The following ARHGEF10L variants were observed in gnomAD, a reference collection of about 807,000 sequenced individuals.
ARHGEF10L encodes Rho guanine nucleotide exchange factor 10 like.
A neutral mutation model predicts 141.2 loss-of-function variants in ARHGEF10L; 69 were observed. The ratio of observed to expected loss-of-function variants is 0.49; its 90% CI spans 0.40 to 0.60. ARHGEF10L has a LOEUF of 0.60. ARHGEF10L is among the 20% of genes least tolerant of loss of function. The pLI, the probability that ARHGEF10L is intolerant of heterozygous loss-of-function variation, is 0.00. For missense variants in ARHGEF10L, 1,482 were observed against 1,734.3 expected (o/e 0.85, Z 2.58); for synonymous variants, 711 against 718.5 (o/e 0.99, Z 0.17).
chr1:17,639,004 GC>G lies in ARHGEF10L; in HGVS notation c.2171+317del, dbSNP rs1373688976. Among the ~76,000 whole-genome samples, 5 of 152,174 alleles carry G rather than the reference GC, an allele frequency of 3.3e-5. No individual in the cohort carries two copies. Among genetic ancestry groups the G allele is most frequent in the Non-Finnish European group, 5.9e-5 (4 of 68,030 alleles). ...CGCTGTGTCCTTTTCAGTCACTTCA[GC>G]CTATCTAGGCCCCCAGGCCAGGCCC... On this transcript the variant is annotated intron_variant, in intron 20 of 28. Coordinates refer to ENST00000361221, the MANE Select transcript of ARHGEF10L (RefSeq NM_018125.4). This position sits in a 1 kb window ranked among gnomAD's most constrained non-coding sequence, Gnocchi z 4.3.
chr1:17,590,000 C>T (rs531716673), intron 4 of ARHGEF10L, among the ~76,000 whole-genome samples: 2 of 152,072 alleles, frequency 1.3e-5, no homozygotes, highest in East Asian at 3.9e-4. Context: ...TGAGGAAGCC[C>T]CTGAGCAGAG....
In ARHGEF10L at chr1:17,673,179, T is replaced by C. The variant is rs2063430012; in HGVS notation, c.3009+8584T>C. Reference sequence around the variant, plus strand: ...ATGAACAGACATCGTGGAGAGGACATATGGGACGGGAGGTGAGGAAGGGGA... The same window carrying C: ...ATGAACAGACATCGTGGAGAGGACACATGGGACGGGAGGTGAGGAAGGGGA... On this transcript the variant is annotated intron_variant, in intron 26 of 28. Transcript: ENST00000361221. The surrounding 1 kb of genome is among the most constrained non-coding windows in gnomAD (Gnocchi z 4.1). 6.6e-6 allele frequency among the ~76,000 whole-genome samples: 1 copy of C among 152,074 alleles called. No individual in the cohort carries two copies. Among genetic ancestry groups the C allele is most frequent in the African/African-American group, 2.4e-5 (1 of 41,422 alleles).
the ARHGEF10L span, among the ~76,000 whole-genome samples, chr1:17,523,165 A>G: frequency 6.9e-6 from 1 of 145,276 alleles, no homozygotes. Context: ...GGCTCACTGC[A>G]ACGTCCACCT....
At chr1:17,608,849 A>C (rs1162221297) in intron 7 of ARHGEF10L, among the ~76,000 whole-genome samples, 2 of 152,180 alleles carry the variant, frequency 1.3e-5, no homozygotes, top group Non-Finnish European at 2.9e-5. Context: ...CAGTGGCCCT[A>C]TCTCGGCTCA....
chr1:17,656,731 G>T lies in ARHGEF10L; in HGVS notation c.2860+23G>T. 1 of 1,603,078 alleles carries T rather than the reference G, an allele frequency of 6.2e-7. No individual in the cohort carries two copies. ...GCGGTGAGGACTGGGGGGAATGGGG[G>T]AAGGGGGGCAGTCCTGGATGCCAGC... On this transcript the variant is annotated intron_variant, in intron 25 of 28. Coordinates refer to ENST00000361221, the MANE Select transcript of ARHGEF10L (RefSeq NM_018125.4). This position sits in a 1 kb window ranked among gnomAD's most constrained non-coding sequence, Gnocchi z 4.9.
chr1:17,533,659 AC>A, the ARHGEF10L span, among the ~76,000 whole-genome samples: 3 of 152,082 alleles, frequency 2.0e-5, no homozygotes, highest in Non-Finnish European at 4.4e-5. Context: ...GTTATGAAGA[AC>A]CTAGAAGGCT....
rs748986899 is a variant in ARHGEF10L at position 17,603,599 on chromosome 1, G to A, written c.433+8G>A. On this transcript the variant is annotated splice_region_variant and intron_variant, in intron 6 of 28. Transcript: ENST00000361221. The surrounding 1 kb of genome is among the most constrained non-coding windows in gnomAD (Gnocchi z 4.8). ...CAGATGCGCATCAGCCCGGTATGAT[G>A]TCTGCAGTGCTTCCCTGTTTCTCTT... 9 of 1,609,076 alleles carry A rather than the reference G, an allele frequency of 5.6e-6. No individual in the cohort carries two copies. Among genetic ancestry groups the A allele is most frequent in the South Asian group, 3.3e-5 (3 of 89,824 alleles).
intron 1 of ARHGEF10L, among the ~76,000 whole-genome samples, chr1:17,571,340 G>C (rs1570535775): frequency 1.3e-5 from 2 of 152,068 alleles, no homozygotes; most frequent in African/African-American, 4.8e-5. Context: ...AGGTGACCTC[G>C]TGAGCTGGCT....
intron 27 of ARHGEF10L, among the ~76,000 whole-genome samples, chr1:17,693,694 G>A (rs1315460575): frequency 6.6e-6 from 1 of 152,156 alleles, no homozygotes; most frequent in Non-Finnish European, 1.5e-5. Flanking sequence ...CATACGTCTT[G>A]GCTGTTGCAA....
chr1:17,689,965 T>C, intron 27 of ARHGEF10L: 2 of 393,500 alleles, frequency 5.1e-6, no homozygotes, highest in Non-Finnish European at 1.0e-5. Context: ...ACGCCCGTTG[T>C]CTTACTTACT....
At position 17,603,530 on chromosome 1, in the gene ARHGEF10L, C is replaced by G; in HGVS notation, c.372C>G (p.Ala124=). The G allele has an allele frequency of 6.2e-7, 1 of 1,613,732 alleles. No individual in the cohort carries two copies. The highest frequency in any genetic ancestry group is 8.5e-7 in the Non-Finnish European group (1 of 1,179,842). The change falls in exon 6 of 29, where the codon GCC becomes GCG. Residue 124 remains alanine (A), a synonymous_variant. Transcript: ENST00000361221. This position sits in a 1 kb window ranked among gnomAD's most constrained non-coding sequence, Gnocchi z 4.8. ...SRRIDRFTFP[A]LEEDVIYDDV... ...CAGTTGACCGGTTCACTTTCCCCGC[C>G]CTGGAAGAGGATGTGATTTATGACG...
At chr1:17,610,933 G>T (rs1301610318) in intron 7 of ARHGEF10L, among the ~76,000 whole-genome samples, 1 of 151,754 alleles carries the variant, frequency 6.6e-6, no homozygotes, top group Non-Finnish European at 1.5e-5. Context: ...TCCTGCTGGT[G>T]CCAATCCAGG....
At chr1:17,695,313 AG>A in intron 28 of ARHGEF10L, 33 bp downstream of exon 28, 2 of 1,545,860 alleles carry the variant, frequency 1.3e-6, no homozygotes, top group South Asian at 1.3e-5. Flanking sequence ...TGGCAGGACC[AG>A]GGGGTCAGCT....
rs543932360 is a variant in ARHGEF10L, at chr1:17,591,677, G to T, written c.257+3198G>T. ...TCCACCCACCTCGGCCTCCCAAAGT[G>T]CAGGGATTATAGGCGTGAGCCACCG... is the stretch of plus-strand genomic sequence containing the variant. On this transcript the variant is annotated intron_variant, in intron 4 of 28. Transcript: ENST00000361221. Among the ~76,000 whole-genome samples, 4 of 152,096 alleles carry T rather than the reference G, an allele frequency of 2.6e-5. No individual in the cohort carries two copies. In the South Asian group the frequency reaches 8.3e-4, roughly 32 times the overall value.
chr1:17,528,564 TCCAG>T, the ARHGEF10L span, among the ~76,000 whole-genome samples: 1 of 151,904 alleles, frequency 6.6e-6, no homozygotes, highest in African/African-American at 2.4e-5. Flanking sequence ...CATCCATCCA[TCCAG>T]CCATCCATCC....
intron 2 of ARHGEF10L, among the ~76,000 whole-genome samples, chr1:17,581,480 G>A (rs1463113413): frequency 3.3e-5 from 5 of 152,196 alleles, no homozygotes; most frequent in Non-Finnish European, 2.9e-5. Context: ...CGCCTGGGAG[G>A]AAATGGGCCC....
At chr1:17,651,761 C>A (rs1482132372) in intron 22 of ARHGEF10L, among the ~76,000 whole-genome samples, 1 of 152,168 alleles carries the variant, frequency 6.6e-6, no homozygotes, top group Non-Finnish European at 1.5e-5. Flanking sequence ...AGCGCCAGGG[C>A]TAGTGGAGGG....
intron 26 of ARHGEF10L, among the ~76,000 whole-genome samples, chr1:17,684,782 C>T (rs1465598201): frequency 6.6e-6 from 1 of 152,160 alleles, no homozygotes; most frequent in East Asian, 1.9e-4. Flanking sequence ...AACCCCTGTT[C>T]CAAGAGCAGC....
chr1:17,688,140 G>A (rs1172495559), intron 27 of ARHGEF10L, among the ~76,000 whole-genome samples: 1 of 152,244 alleles, frequency 6.6e-6, no homozygotes, highest in Non-Finnish European at 1.5e-5. Flanking sequence ...GAGGTGATGG[G>A]AAAGTGAGAA....
Sources: gnomAD v4.1 joint callset for allele counts (sites outside exome capture counted in the v4.1 genomes callset) on GRCh38, gnomAD v4.1.1 for gene constraint, Gnocchi (gnomAD v3.1) non-coding constraint, MANE v1.5 for transcripts, NCBI Gene and HGNC (gene_info 2026-07-23, HGNC 2026-07-21) for gene names.